The following ABL1 variants were observed in gnomAD, a reference collection of about 807,000 sequenced individuals.
The protein encoded by ABL1 is tyrosine-protein kinase ABL1.
ABL1 carries 11 observed loss-of-function variants against 94.7 expected under a neutral mutation model. The observed-to-expected ratio is 0.12, with a 90% CI of 0.07 to 0.19. The LOEUF (loss-of-function observed/expected upper bound fraction) is 0.19. ABL1 is among the 10% of genes least tolerant of loss of function. The pLI is 1.00. For synonymous variants in ABL1, 656 were observed against 622.4 expected (o/e 1.05, Z -0.80); for missense variants, 1,082 against 1,489.4 (o/e 0.73, Z 4.50).
exon 1 of ABL1, chr9:130,714,438 A>G (rs780527035): frequency 1.9e-6 from 3 of 1,614,174 alleles, no homozygotes; most frequent in East Asian, 2.2e-5. Flanking sequence ...CCACACTGCA[A>G]TGTTTTTGTG....
chr9:130,732,193 T>C (rs1030590649), intron 1 of ABL1, among the ~76,000 whole-genome samples: 1 of 152,194 alleles, frequency 6.6e-6, no homozygotes, highest in Non-Finnish European at 1.5e-5. Context: ...GAACAAGTAC[T>C]AAGTGCCTGT....
intron 1 of ABL1, among the ~76,000 whole-genome samples, chr9:130,799,570 G>A (rs1200704328): frequency 6.6e-6 from 1 of 152,036 alleles, no homozygotes; most frequent in African/African-American, 2.4e-5. Flanking sequence ...AAAAAAATAC[G>A]GATTAGATAA....
chr9:130,857,057 C>T (rs1439766993), intron 3 of ABL1, among the ~76,000 whole-genome samples: 10 of 152,212 alleles, frequency 6.6e-5, no homozygotes, highest in African/African-American at 2.4e-4. Flanking sequence ...CTGTATGTAA[C>T]GCACTCTGAT....
At chr9:130,798,019 C>T (rs1830003366) in intron 1 of ABL1, among the ~76,000 whole-genome samples, 1 of 152,108 alleles carries the variant, frequency 6.6e-6, no homozygotes, top group Non-Finnish European at 1.5e-5. Context: ...ATACAGCTTC[C>T]AGAAGAAATA....
chr9:130,810,440 A>G (rs1830192970), intron 1 of ABL1, among the ~76,000 whole-genome samples: 3 of 152,100 alleles, frequency 2.0e-5, no homozygotes, highest in African/African-American at 7.2e-5. Flanking sequence ...AGGTTGCAGT[A>G]AGCCAAGATC....
intron 1 of ABL1, among the ~76,000 whole-genome samples, chr9:130,815,325 C>T (rs1040368733): frequency 1.8e-4 from 28 of 152,158 alleles, no homozygotes; most frequent in Admixed American, 8.5e-4. Context: ...CAGAGTGAGA[C>T]TCTCAAAATA....
chr9:130,775,442 A>G (rs1588234435), intron 1 of ABL1, among the ~76,000 whole-genome samples: 1 of 152,366 alleles, frequency 6.6e-6, no homozygotes, highest in East Asian at 1.9e-4. Flanking sequence ...AAATAATTGA[A>G]AAAGAACTAA....
Position 130,872,564 on chromosome 9 carries a change from G to T in ABL1, c.908-296G>T, listed in dbSNP as rs999595878. ...TAACCATCAGACCTAACCATTCAGG[G>T]GTAAACTGACGGTGGTGAAGGTCAT... On this transcript the variant is annotated intron_variant, in intron 5 of 10. Coordinates refer to ENST00000318560, the MANE Select transcript of ABL1 (RefSeq NM_005157.6). The surrounding 1 kb of genome is among the most constrained non-coding windows in gnomAD (Gnocchi z 5.0). 3.9e-5 allele frequency among the ~76,000 whole-genome samples: 6 copies of T among 152,186 alleles called. No homozygotes were observed. The highest frequency in any genetic ancestry group is 1.4e-4 in the African/African-American group (6 of 41,450).
At position 130,878,231 on chromosome 9, in the gene ABL1, G is replaced by A. The variant is rs374419882; in HGVS notation, c.1271-184G>A. On this transcript the variant is annotated intron_variant, in intron 7 of 10. Coordinates refer to ENST00000318560, the MANE Select transcript of ABL1 (RefSeq NM_005157.6). ...CTCCCAAAGTGCTGGGATTACAGGCGTGAGCCACCGCACCCAGCCTTGTCC... is the reference window on the plus strand; with the variant it reads ...CTCCCAAAGTGCTGGGATTACAGGCATGAGCCACCGCACCCAGCCTTGTCC... 3.7e-4 allele frequency among the ~76,000 whole-genome samples: 57 copies of A among 152,222 alleles called. No homozygotes were observed. In the South Asian group the frequency reaches 6.0e-3, roughly 16 times the overall value.
At chr9:130,859,693 T>C (rs557485280) in intron 3 of ABL1, among the ~76,000 whole-genome samples, 4,895 of 130,864 alleles carry the variant, frequency 0.037, 493 homozygotes, top group African/African-American at 0.13. Flanking sequence ...TTTTTTTTTT[T>C]TTTTTTTTTT....
intron 1 of ABL1, among the ~76,000 whole-genome samples, chr9:130,752,861 A>G (rs1831983318): frequency 6.6e-6 from 1 of 152,114 alleles, no homozygotes; most frequent in Non-Finnish European, 1.5e-5. Flanking sequence ...AGGGAGGCTG[A>G]GACTGGAGAA....
In ABL1 at chr9:130,880,541, G is replaced by A. The variant is rs772685626; in HGVS notation, c.1555G>A (p.Val519Met). 6.5e-5 allele frequency: 105 copies of A among 1,613,862 alleles called. No individual in the cohort carries two copies. The highest frequency in any genetic ancestry group is 4.7e-5 in the Non-Finnish European group (55 of 1,179,936). ...GGGGAAACAAGGCGTCCGTGGGGCT[G>A]TGAGTACCTTGCTGCAGGCCCCAGA... ...ELGKQGVRGA[V>M]STLLQAPELP... The change falls in exon 10 of 11, where the codon GTG becomes ATG. Residue 519 changes from valine (V) to methionine (M), a missense_variant. Around this residue, in one of 7 missense-constraint regions of ABL1, gnomAD observed 780 missense variants for 835.8 expected, o/e 0.93. Coordinates refer to ENST00000318560, the MANE Select transcript of ABL1 (RefSeq NM_005157.6). The surrounding 1 kb of genome is among the most constrained non-coding windows in gnomAD (Gnocchi z 4.4).
In ABL1 at chr9:130,884,223, G is replaced by A. The variant is rs772876615; in HGVS notation, c.1933G>A (p.Ala645Thr). Reference protein sequence around the residue: ...EEEGRDISNGALAFTPLDTAD... With the variant: ...EEEGRDISNGTLAFTPLDTAD... ...AGAGGGCCGAGACATCAGCAACGGG[G>A]CACTGGCTTTCACCCCCTTGGACAC... Residue 645 changes from alanine to threonine, a missense_variant, in exon 11 of 11, where the codon GCA (alanine) becomes ACA (threonine). Ala to Thr is a moderately conservative substitution (Grantham distance 58). This residue lies in a region of ABL1 where 780 missense variants were observed against 835.8 expected (regional missense o/e 0.93). Coordinates refer to ENST00000318560, the MANE Select transcript of ABL1 (RefSeq NM_005157.6). This position sits in a 1 kb window ranked among gnomAD's most constrained non-coding sequence, Gnocchi z 5.6. 1.9e-6 allele frequency: 3 copies of A among 1,607,594 alleles called. No homozygotes were observed. The highest frequency in any genetic ancestry group is 2.7e-5 in the African/African-American group (2 of 74,426).
At chr9:130,837,205 A>G (rs1304483099) in intron 1 of ABL1, among the ~76,000 whole-genome samples, 1 of 152,150 alleles carries the variant, frequency 6.6e-6, no homozygotes, top group Non-Finnish European at 1.5e-5. Context: ...CTAAAAGTTG[A>G]TGTCTGAGCA....
chr9:130,839,110 A>G (rs963774049), intron 1 of ABL1, among the ~76,000 whole-genome samples: 2 of 148,116 alleles, frequency 1.4e-5, no homozygotes, highest in African/African-American at 5.0e-5. Context: ...ACAGGGTCTC[A>G]CTATTTTTAC....
At chr9:130,830,518 GTTTC>G (rs1289986734), upstream of ABL1, among the ~76,000 whole-genome samples, 2 of 152,132 alleles carry the variant, frequency 1.3e-5, no homozygotes, top group Non-Finnish European at 2.9e-5. Context: ...CACAGCTAGT[GTTTC>G]TTTCTCTTCA....
rs1831537618 is a variant in ABL1 at position 130,884,723 on chromosome 9, C to T, written c.2433C>T (p.Pro811=). The stretch of plus-strand genomic sequence containing the variant: ...AGTCCAGCCCGGGCTCCAGCCCGCC[C>T]AACCTGACTCCAAAACCCCTCCGGC... ...IMESSPGSSP[P]NLTPKPLRRQ... Residue 811 remains proline, a synonymous_variant, in exon 11 of 11, where the codon CCC becomes CCT. Transcript: ENST00000318560. This position sits in a 1 kb window ranked among gnomAD's most constrained non-coding sequence, Gnocchi z 5.6. 6.2e-7 allele frequency: 1 copy of T among 1,612,496 alleles called. No individual in the cohort carries two copies. Among genetic ancestry groups the T allele is most frequent in the South Asian group, 1.1e-5 (1 of 91,080 alleles).
intron 1 of ABL1, among the ~76,000 whole-genome samples, chr9:130,749,683 T>C (rs1831931391): frequency 2.0e-5 from 3 of 152,294 alleles, no homozygotes; most frequent in African/African-American, 7.2e-5. Flanking sequence ...GGTGATAGAC[T>C]CTTTCTTTGC....
chr9:130,818,055 TAC>T (rs1830312822), intron 1 of ABL1, among the ~76,000 whole-genome samples: 1 of 152,254 alleles, frequency 6.6e-6, no homozygotes, highest in Admixed American at 6.5e-5. Flanking sequence ...TTTGCATTAC[TAC>T]CAGCAGTTCA....
Sources: gnomAD v4.1 joint callset for allele counts (sites outside exome capture counted in the v4.1 genomes callset) on GRCh38, gnomAD v4.1.1 for gene constraint, gnomAD v4.1.1 regional missense constraint, Gnocchi (gnomAD v3.1) non-coding constraint, MANE v1.5 for transcripts, NCBI Gene and HGNC (gene_info 2026-07-23, HGNC 2026-07-21) for gene names.